Variants in ATRNL1 observed in about 807,000 individuals in gnomAD.
ATRNL1 encodes attractin like 1, also known as attractin-like protein 1.
A neutral mutation model predicts 182.7 loss-of-function variants in ATRNL1; 95 were observed. That is an observed-to-expected ratio of 0.52 (90% CI 0.44 to 0.62). ATRNL1 has a LOEUF of 0.62. Among genes scored for constraint, ATRNL1 ranks in the 20% least tolerant of loss-of-function variants. The pLI, the probability that ATRNL1 is intolerant of heterozygous loss-of-function variation, is 0.00. For missense variants in ATRNL1, 1,471 were observed against 1,679.5 expected, an observed-to-expected ratio of 0.88 and a Z score of 2.17; for synonymous variants, 576 against 568.3, an observed-to-expected ratio of 1.01 and a Z score of -0.19.
rs150961026 is a variant in ATRNL1, at chr10:115,778,550, G to A, written c.3903+51195G>A. 1.5e-3 allele frequency among the ~76,000 whole-genome samples: 227 copies of A among 152,272 alleles called. 1 individual carries two copies. Among genetic ancestry groups the A allele is most frequent in the Admixed American group, 6.1e-3 (94 of 15,286 alleles). ...AAGAAAGGGATAAGAATGATCCAAT[G>A]AACGAACTAAATCATATGCATGACA... On this transcript the variant is annotated intron_variant, in intron 27 of 28. Coordinates refer to ENST00000355044, the MANE Select transcript of ATRNL1 (RefSeq NM_207303.4).
At chr10:115,226,563 GA>G (rs11376641) in intron 9 of ATRNL1, among the ~76,000 whole-genome samples, 53,360 of 145,516 alleles carry the variant, frequency 0.37, 10,096 homozygotes, top group African/African-American at 0.5. Context: ...CCCAGAATTA[GA>G]AAAAAAAAAA....
chr10:115,588,702 G>A lies in ATRNL1; in HGVS notation c.3795+39166G>A, dbSNP rs147155792. On this transcript the variant is annotated intron_variant, in intron 26 of 28. Coordinates refer to ENST00000355044, the MANE Select transcript of ATRNL1 (RefSeq NM_207303.4). Reference sequence around the variant, plus strand: ...GAGTGTGTCCCAGATTTTCCTACCCGTGTTGGTGTGGGTATATTCTTATTT... The same window carrying A: ...GAGTGTGTCCCAGATTTTCCTACCCATGTTGGTGTGGGTATATTCTTATTT... Among the ~76,000 whole-genome samples the A allele has an allele frequency of 3.2e-4, 49 of 152,178 alleles. No individual in the cohort carries two copies. The East Asian group carries it at 7.4e-3, about 23-fold the overall frequency.
At chr10:115,741,999 T>C (rs919135102) in intron 27 of ATRNL1, among the ~76,000 whole-genome samples, 4 of 152,178 alleles carry the variant, frequency 2.6e-5, no homozygotes, top group Non-Finnish European at 5.9e-5. Flanking sequence ...ATGTCATCCA[T>C]TTCAAAGCAG....
intron 26 of ATRNL1, among the ~76,000 whole-genome samples, chr10:115,616,393 A>G (rs1423877605): frequency 1.3e-5 from 2 of 152,280 alleles, no homozygotes; most frequent in South Asian, 2.1e-4. Flanking sequence ...ACAATTTGGG[A>G]AAATTTACAG....
At chr10:115,772,794 G>C (rs782250954) in intron 27 of ATRNL1, among the ~76,000 whole-genome samples, 1 of 152,130 alleles carries the variant, frequency 6.6e-6, no homozygotes, top group Admixed American at 6.5e-5. Flanking sequence ...CAAGGCCAAA[G>C]AGTACATCTT....
intron 19 of ATRNL1, among the ~76,000 whole-genome samples, chr10:115,370,314 A>G (rs186802729): frequency 2.0e-5 from 3 of 152,336 alleles, no homozygotes; most frequent in Admixed American, 6.5e-5. Context: ...TGTGGAAGCA[A>G]CTTTGGAACT....
intron 26 of ATRNL1, among the ~76,000 whole-genome samples, chr10:115,602,867 AC>A (rs1856682418): frequency 6.6e-6 from 1 of 151,200 alleles, no homozygotes; most frequent in Non-Finnish European, 1.5e-5. Flanking sequence ...AAAAAAAAAA[AC>A]ATTGCAATCA....
chr10:115,134,853 C>G (rs1554876216), intron 5 of ATRNL1, among the ~76,000 whole-genome samples: 1 of 152,152 alleles, frequency 6.6e-6, no homozygotes, highest in East Asian at 1.9e-4. Context: ...AAGTGGGCTT[C>G]ATCCCTGAGA....
At chr10:115,462,064 A>G (rs1554969799) in intron 22 of ATRNL1, 29 bp downstream of exon 22, 3 of 1,508,620 alleles carry the variant, frequency 2.0e-6, no homozygotes, top group South Asian at 1.2e-5. Context: ...CTTTTAAAGT[A>G]TAATTATTGG....
intron 28 of ATRNL1, among the ~76,000 whole-genome samples, chr10:115,897,857 A>C (rs1555112886): frequency 6.6e-6 from 1 of 152,138 alleles, no homozygotes; most frequent in Non-Finnish European, 1.5e-5. Context: ...ATAAGTGATC[A>C]TTCATGTTAG....
chr10:115,129,460 A>C lies in ATRNL1; in HGVS notation c.754A>C (p.Asn252His), dbSNP rs781911546. Reference sequence around the variant, plus strand: ...TTGTGATATTCCTTACTGTAAAGCCAATTGCGGCAGTCCAGATCACGGTTA... The same window carrying C: ...TTGTGATATTCCTTACTGTAAAGCCCATTGCGGCAGTCCAGATCACGGTTA... The part of the protein sequence containing the change: ...EACDIPYCKA[N>H]CGSPDHGYCD... The change falls in exon 5 of 29, where the codon AAT (asparagine) becomes CAT (histidine). Residue 252 changes from asparagine to histidine, a missense_variant. Asn to His is a moderately conservative substitution (Grantham distance 68, BLOSUM62 1). Transcript: ENST00000355044. 1.2e-6 allele frequency: 2 copies of C among 1,614,168 alleles called. No individual in the cohort carries two copies. Among genetic ancestry groups the C allele is most frequent in the East Asian group, 4.5e-5 (2 of 44,874 alleles).
chr10:115,210,095 A>G (rs1459560366), intron 8 of ATRNL1, among the ~76,000 whole-genome samples: 1 of 151,990 alleles, frequency 6.6e-6, no homozygotes, highest in Non-Finnish European at 1.5e-5. Context: ...TTCATAATGA[A>G]TTATGCCGAT....
intron 26 of ATRNL1, among the ~76,000 whole-genome samples, chr10:115,622,777 A>C (rs902676374): frequency 1.3e-5 from 2 of 152,098 alleles, no homozygotes; most frequent in Admixed American, 6.5e-5. Flanking sequence ...AATACAAAAA[A>C]TTAGCCAGGC....
intron 26 of ATRNL1, among the ~76,000 whole-genome samples, chr10:115,672,082 CAAAT>C (rs1189552126): frequency 6.6e-6 from 1 of 151,890 alleles, no homozygotes; most frequent in Admixed American, 6.6e-5. Flanking sequence ...GAAAGAAAAA[CAAAT>C]AACATAATTG....
intron 9 of ATRNL1, among the ~76,000 whole-genome samples, chr10:115,219,905 A>G (rs1391575647): frequency 6.6e-6 from 1 of 152,170 alleles, no homozygotes; most frequent in East Asian, 1.9e-4. Context: ...CCTGTCTCAA[A>G]AAAACAAAAA....
intron 28 of ATRNL1, among the ~76,000 whole-genome samples, chr10:115,929,753 G>T (rs1397680347): frequency 6.6e-6 from 1 of 152,114 alleles, no homozygotes; most frequent in Non-Finnish European, 1.5e-5. Flanking sequence ...TACATTATGG[G>T]ATAATTAGTA....
chr10:115,287,426 C>T (rs1432200411), intron 15 of ATRNL1, among the ~76,000 whole-genome samples: 1 of 151,944 alleles, frequency 6.6e-6, no homozygotes, highest in Non-Finnish European at 1.5e-5. Flanking sequence ...ACTACTATTT[C>T]CAGGAATCAT....
intron 1 of ATRNL1, among the ~76,000 whole-genome samples, chr10:115,095,583 G>T (rs2084991173): frequency 6.6e-6 from 1 of 152,052 alleles, no homozygotes; most frequent in African/African-American, 2.4e-5. Context: ...TTTAAAGGTA[G>T]TATAGTAATG....
chr10:115,860,770 T>C (rs1350838701), intron 28 of ATRNL1, among the ~76,000 whole-genome samples: 2 of 152,202 alleles, frequency 1.3e-5, no homozygotes, highest in African/African-American at 2.4e-5. Flanking sequence ...TTTAACAGTC[T>C]TCACTGCAAT....
Sources: allele counts gnomAD v4.1 joint callset (sites outside exome capture counted in the v4.1 genomes callset), GRCh38; gene constraint gnomAD v4.1.1; transcripts MANE v1.5; gene names NCBI Gene and HGNC (gene_info 2026-07-23, HGNC 2026-07-21).